The following DOCK1 variants were observed in gnomAD, a reference collection of about 807,000 sequenced individuals.
DOCK1 encodes dedicator of cytokinesis 1.
Under a neutral mutation model 262.7 loss-of-function variants are expected in DOCK1, and 138 were observed. That is an observed-to-expected ratio of 0.53 (90% CI 0.46 to 0.61). The LOEUF (loss-of-function observed/expected upper bound fraction) is 0.61. DOCK1 is among the 20% of genes least tolerant of loss of function. The pLI is 0.00. For synonymous variants in DOCK1, 866 were observed against 867.4 expected, an observed-to-expected ratio of 1.00 and a Z score of 0.03; for missense variants, 1,908 against 2,370.7, an observed-to-expected ratio of 0.80 and a Z score of 4.05.
At chr10:127,418,963 G>A (rs1222285527) in intron 45 of DOCK1, among the ~76,000 whole-genome samples, 1 of 152,228 alleles carries the variant, frequency 6.6e-6, no homozygotes, top group Non-Finnish European at 1.5e-5. Context: ...TGTAGGAATG[G>A]GCAGAAGTTG....
At chr10:127,387,810 A>G (rs147943886) in intron 38 of DOCK1, among the ~76,000 whole-genome samples, 3 of 152,176 alleles carry the variant, frequency 2.0e-5, no homozygotes, top group East Asian at 1.9e-4. Context: ...ATGCTCATGT[A>G]TGGCAGGACA....
intron 4 of DOCK1, among the ~76,000 whole-genome samples, chr10:126,986,123 C>T (rs7904737): frequency 0.012 from 1,805 of 152,198 alleles, 39 homozygotes; most frequent in African/African-American, 0.041. Flanking sequence ...AGATTACAGG[C>T]GTGAGCCACC....
At chr10:127,119,711 CT>C (rs1377619095) in intron 25 of DOCK1, among the ~76,000 whole-genome samples, 3 of 152,144 alleles carry the variant, frequency 2.0e-5, no homozygotes, top group Non-Finnish European at 4.4e-5. Flanking sequence ...ATTAAATGCA[CT>C]TTATGGATCA....
At position 127,015,922 on chromosome 10, in the gene DOCK1, C is replaced by G. The variant is rs559055644; in HGVS notation, c.1202-2788C>G. On this transcript the variant is annotated intron_variant, in intron 12 of 51. Coordinates refer to ENST00000623213, the MANE Select transcript of DOCK1 (RefSeq NM_001290223.2). ...CCACCCCAGCCTCCGCACTGTCTTA[C>G]CACAGCGTCTGGGGGCTCCACCTCC... 8.6e-4 allele frequency: 131 copies of G among 152,530 alleles called. 1 individual carries two copies. Among genetic ancestry groups the G allele is most frequent in the South Asian group, 5.6e-3 (27 of 4,826 alleles). The allele number at this position is 152,530 out of a possible 1,614,324, so 9.4% of individuals were successfully genotyped here. A position where few individuals can be genotyped will look rare whatever the true frequency, so the allele number is the denominator to read the frequency against.
rs529160801 is a variant in DOCK1, at chr10:127,286,405, G to A, written c.3044+28976G>A. ...AAGGTAACATATCTTTTTCTCCAGT[G>A]GAGATATAATCTCAGTGCTTTTTCG... is the stretch of plus-strand genomic sequence containing the variant. On this transcript the variant is annotated intron_variant, in intron 29 of 51. Transcript: ENST00000623213. Among the ~76,000 whole-genome samples, 9 of 152,054 alleles carry A rather than the reference G, an allele frequency of 5.9e-5. No individual in the cohort carries two copies. In the South Asian group the frequency reaches 1.9e-3, roughly 32 times the overall value.
intron 1 of DOCK1, among the ~76,000 whole-genome samples, chr10:126,949,020 G>T (rs1016036494): frequency 1.3e-5 from 2 of 152,078 alleles, no homozygotes; most frequent in Admixed American, 6.6e-5. Flanking sequence ...CTGAGCTTTC[G>T]TCTTTGCTTT....
At chr10:127,359,778 A>G (rs958607648) in intron 32 of DOCK1, among the ~76,000 whole-genome samples, 1 of 152,260 alleles carries the variant, frequency 6.6e-6, no homozygotes, top group Non-Finnish European at 1.5e-5. Context: ...AAGTATCGTT[A>G]TAGTAGCCAC....
rs575133080 is a variant in DOCK1, at chr10:127,122,807, G to C, written c.2624-2667G>C. Among the ~76,000 whole-genome samples, 5 of 152,100 alleles carry C rather than the reference G, an allele frequency of 3.3e-5. No individual in the cohort carries two copies. The East Asian group carries it at 7.7e-4, about 23-fold the overall frequency. On this transcript the variant is annotated intron_variant, in intron 25 of 51. Coordinates refer to ENST00000623213, the MANE Select transcript of DOCK1 (RefSeq NM_001290223.2). ...GGTGGATGGTGAACGTTACCACCAG[G>C]TAACCAAAGATGGTTGATAGCATCC...
At chr10:126,972,304 T>TG (rs2038175025) in intron 2 of DOCK1, among the ~76,000 whole-genome samples, 2 of 152,230 alleles carry the variant, frequency 1.3e-5, no homozygotes, top group Non-Finnish European at 2.9e-5. Flanking sequence ...TTTGTTTTTA[T>TG]ATTTTGTGTT....
chr10:127,444,406 C>G, intron 50 of DOCK1, 127 bp downstream of exon 50: 1 of 1,232,506 alleles, frequency 8.1e-7, no homozygotes, highest in Non-Finnish European at 1.1e-6. Context: ...AGATAAACAC[C>G]TGGCTCCCTG....
chr10:127,380,125 A>G lies in DOCK1; in HGVS notation c.3716+3A>G, dbSNP rs2065743940. On this transcript the variant is annotated splice_donor_region_variant and intron_variant, in intron 36 of 51. Transcript: ENST00000623213. ...GAAAGAGAAGAAATGTATATAAGGT[A>G]TGTATGCATCACGCTTGTCTGCATG... The G allele has an allele frequency of 2.7e-6, 4 of 1,504,160 alleles. No individual in the cohort carries two copies. The African/African-American group carries it at 5.6e-5, about 21-fold the overall frequency. 93.2% of individuals were successfully genotyped at this position (1,504,160 alleles called of 1,614,324 possible).
chr10:127,119,052 T>TA (rs2049368271), intron 25 of DOCK1, among the ~76,000 whole-genome samples: 1 of 151,510 alleles, frequency 6.6e-6, no homozygotes, highest in South Asian at 2.1e-4. Context: ...AATCAGGCTT[T>TA]TTTTTTTTTG....
intron 23 of DOCK1, among the ~76,000 whole-genome samples, chr10:127,072,809 C>T (rs1274483017): frequency 2.6e-5 from 4 of 152,184 alleles, no homozygotes; most frequent in African/African-American, 9.7e-5. Context: ...AGAAAGCTTT[C>T]TAAAGGGACG....
At chr10:127,132,087 T>G (rs1039038900) in intron 27 of DOCK1, among the ~76,000 whole-genome samples, 1 of 152,238 alleles carries the variant, frequency 6.6e-6, no homozygotes, top group African/African-American at 2.4e-5. Context: ...CCCTGACAGC[T>G]TCCCCCTATT....
rs373446501 is a variant in DOCK1 at position 127,235,855 on chromosome 10, G to A, written c.2848-12153G>A. 5.3e-5 allele frequency among the ~76,000 whole-genome samples: 8 copies of A among 151,718 alleles called. No homozygotes were observed. The East Asian group carries it at 1.4e-3, about 26-fold the overall frequency. On this transcript the variant is annotated intron_variant, in intron 27 of 51. Coordinates refer to ENST00000623213, the MANE Select transcript of DOCK1 (RefSeq NM_001290223.2). The stretch of plus-strand genomic sequence containing the variant: ...ATATTTCAGTGTGGTTTTAACTTGC[G>A]TGTTCCTATTGACTAGTAAGATAGA...
chr10:127,360,469 G>C (rs143132474), intron 32 of DOCK1, among the ~76,000 whole-genome samples: 1 of 152,236 alleles, frequency 6.6e-6, no homozygotes, highest in Non-Finnish European at 1.5e-5. Flanking sequence ...CTAAGTCAGC[G>C]ACAGAGACCC....
At chr10:127,031,553 AT>A in intron 16 of DOCK1, 96 bp from the exon 17 acceptor site, 1 of 919,110 alleles carries the variant, frequency 1.1e-6, no homozygotes, top group South Asian at 1.7e-5. Context: ...TAATTTTGTA[AT>A]TGTTTTCATA....
chr10:127,234,727 GC>G (rs2134607195), intron 27 of DOCK1, among the ~76,000 whole-genome samples: 1 of 152,024 alleles, frequency 6.6e-6, no homozygotes, highest in Non-Finnish European at 1.5e-5. Flanking sequence ...TGTGAAGTAG[GC>G]CTTGCAATAC....
At chr10:126,976,026 A>G (rs2038513889) in intron 2 of DOCK1, among the ~76,000 whole-genome samples, 1 of 152,214 alleles carries the variant, frequency 6.6e-6, no homozygotes, top group African/African-American at 2.4e-5. Context: ...AGGACATATT[A>G]ATGTTGAAAA....
Sources: gnomAD v4.1 joint callset for allele counts (sites outside exome capture counted in the v4.1 genomes callset) on GRCh38, gnomAD v4.1.1 for gene constraint, MANE v1.5 for transcripts, NCBI Gene and HGNC (gene_info 2026-07-23, HGNC 2026-07-21) for gene names.